Variants in USP47 observed in about 807,000 individuals in gnomAD.
USP47 encodes ubiquitin specific peptidase 47.
In USP47, 35 loss-of-function variants were observed where a neutral mutation model predicts 165.1. That is an observed-to-expected ratio of 0.21 (90% CI 0.16 to 0.28). The LOEUF (loss-of-function observed/expected upper bound fraction) is 0.28, where lower values mean the gene tolerates loss of function less well. Ranked by LOEUF, USP47 falls within the 10% of genes least tolerant of loss-of-function variation. The probability of loss-of-function intolerance (pLI) is 1.00; values close to 1 mark genes in which losing one functional copy is unlikely to be tolerated. For synonymous variants in USP47, 531 were observed against 544.5 expected, an observed-to-expected ratio of 0.98 and a Z score of 0.35; for missense variants, 1,277 against 1,607.4, an observed-to-expected ratio of 0.79 and a Z score of 3.52.
At chr11:11,931,423 A>G (rs1404731941) in intron 14 of USP47, among the ~76,000 whole-genome samples, 3 of 152,196 alleles carry the variant, frequency 2.0e-5, no homozygotes, top group Non-Finnish European at 4.4e-5. Context: ...GAAAAAATAA[A>G]TGGAAATTAT....
In USP47 at chr11:11,955,982, A is replaced by G. The variant is rs1307680780; in HGVS notation, c.3894-19A>G. On this transcript the variant is annotated intron_variant, in intron 27 of 27. Coordinates refer to ENST00000527733, the MANE Select transcript of USP47 (RefSeq NM_001282659.2). The stretch of plus-strand genomic sequence containing the variant: ...GAGGGCTCTACTGGACTAATATGTG[A>G]TTAATATTTTATATGTAGGGATAAA... 1.3e-6 allele frequency: 2 copies of G among 1,532,212 alleles called. No individual in the cohort carries two copies. Among genetic ancestry groups the G allele is most frequent in the Non-Finnish European group, 8.7e-7 (1 of 1,144,358 alleles). The allele number at this position is 1,532,212 out of a possible 1,614,324, so 94.9% of individuals were successfully genotyped here.
At chr11:11,955,915 CTGAGG>C (rs1856532873) in intron 27 of USP47, 81 bp from the exon 28 acceptor site, 1 of 1,061,460 alleles carries the variant, frequency 9.4e-7, no homozygotes, top group Non-Finnish European at 1.3e-6. Flanking sequence ...CATTATCTTG[CTGAGG>C]AGCATCATAG....
At chr11:11,927,493 A>G (rs957155691) in intron 11 of USP47, among the ~76,000 whole-genome samples, 1 of 152,126 alleles carries the variant, frequency 6.6e-6, no homozygotes, top group Non-Finnish European at 1.5e-5. Context: ...CAGAAACCGT[A>G]TGGCCCAGAA....
At chr11:11,875,460 A>G (rs941139039) in intron 1 of USP47, among the ~76,000 whole-genome samples, 33 of 152,218 alleles carry the variant, frequency 2.2e-4, no homozygotes, top group African/African-American at 7.7e-4. Flanking sequence ...GCATCCCTTC[A>G]GCGGGCTCTA....
At chr11:11,931,276 T>C (rs1854647215) in intron 14 of USP47, among the ~76,000 whole-genome samples, 2 of 152,180 alleles carry the variant, frequency 1.3e-5, no homozygotes, top group South Asian at 4.1e-4. Flanking sequence ...CATTATGTTT[T>C]TATTCACATT....
intron 3 of USP47, among the ~76,000 whole-genome samples, chr11:11,887,760 C>T (rs1203754391): frequency 2.6e-5 from 4 of 152,204 alleles, no homozygotes; most frequent in African/African-American, 9.6e-5. Context: ...CACCCCACAA[C>T]AACAGAATAT....
chr11:11,876,919 A>AG (rs1850461669), intron 1 of USP47, among the ~76,000 whole-genome samples: 1 of 152,214 alleles, frequency 6.6e-6, no homozygotes, highest in Non-Finnish European at 1.5e-5. Flanking sequence ...GAAAAAAAAA[A>AG]GAATGGCAAA....
At chr11:11,874,950 G>A (rs1057313226) in intron 1 of USP47, among the ~76,000 whole-genome samples, 9 of 151,918 alleles carry the variant, frequency 5.9e-5, no homozygotes, top group African/African-American at 2.2e-4. Flanking sequence ...CTTGAACTGT[G>A]GATACCCAGA....
intron 25 of USP47, among the ~76,000 whole-genome samples, chr11:11,953,241 G>A (rs937134584): frequency 6.6e-6 from 1 of 152,168 alleles, no homozygotes; most frequent in African/African-American, 2.4e-5. Context: ...AGAGAATCCA[G>A]ATGAAGGTCT....
chr11:11,909,880 A>G (rs1374655562), intron 8 of USP47, among the ~76,000 whole-genome samples: 2 of 152,246 alleles, frequency 1.3e-5, no homozygotes, highest in Non-Finnish European at 2.9e-5. Flanking sequence ...CATTTCAACT[A>G]TTTACACAAG....
chr11:11,959,977 A>G lies in USP47; in HGVS notation c.*3802A>G, dbSNP rs924311827. 2.0e-5 allele frequency among the ~76,000 whole-genome samples: 3 copies of G among 152,184 alleles called. No individual in the cohort carries two copies. Among genetic ancestry groups the G allele is most frequent in the Admixed American group, 6.5e-5 (1 of 15,280 alleles). On this transcript the variant is annotated 3_prime_UTR_variant, in exon 28 of 28. Coordinates refer to ENST00000527733, the MANE Select transcript of USP47 (RefSeq NM_001282659.2). Reference sequence around the variant, plus strand: ...TGCTTAAGTAACCTGCTTGAAGAGTATAATTTATGGAGATAAAAATACTCA... The same window carrying G: ...TGCTTAAGTAACCTGCTTGAAGAGTGTAATTTATGGAGATAAAAATACTCA...
chr11:11,929,707 C>A (rs1854510385), intron 12 of USP47, 142 bp downstream of exon 12: 5 of 1,280,668 alleles, frequency 3.9e-6, no homozygotes, highest in South Asian at 3.3e-5. Context: ...TTAATTTTTG[C>A]TTTTAGTAAA....
chr11:11,871,501 CAA>C (rs71037046), intron 1 of USP47, among the ~76,000 whole-genome samples: 27 of 63,138 alleles, frequency 4.3e-4, no homozygotes, highest in African/African-American at 9.8e-4. Flanking sequence ...AACTCCCTCT[CAA>C]AAAAAAAAAA....
intron 24 of USP47, 118 bp downstream of exon 24, chr11:11,950,600 T>C: frequency 1.4e-6 from 1 of 714,270 alleles, no homozygotes; most frequent in South Asian, 1.9e-5. Flanking sequence ...TATAGTGTTT[T>C]GTGTTATATT....
chr11:11,919,931 A>T (rs370873338), intron 8 of USP47, among the ~76,000 whole-genome samples: 1 of 151,856 alleles, frequency 6.6e-6, no homozygotes, highest in African/African-American at 2.4e-5. Flanking sequence ...TGATACTGCA[A>T]TACTAAGAAA....
At chr11:11,908,132 C>T (rs185123950) in intron 8 of USP47, among the ~76,000 whole-genome samples, 46 of 152,238 alleles carry the variant, frequency 3.0e-4, no homozygotes, top group African/African-American at 9.4e-4. Flanking sequence ...TACACTAGCA[C>T]GTGCATGTGC....
Position 11,842,175 on chromosome 11 carries a change from C to T in USP47, c.-11C>T, listed in dbSNP as rs966358835. ...CCCCGGCAGGGCGGAGAGGAGCGGC[C>T]GGAGTCAGCGATGGTGCCCGGCGAG... On this transcript the variant is annotated 5_prime_UTR_variant, in exon 1 of 28. Transcript: ENST00000527733. 1.9e-6 allele frequency: 3 copies of T among 1,552,590 alleles called. No homozygotes were observed. Among genetic ancestry groups the T allele is most frequent in the East Asian group, 4.8e-5 (2 of 41,328 alleles).
intron 10 of USP47, 24 bp downstream of exon 10, chr11:11,920,518 A>G (rs1590380028): frequency 3.8e-6 from 6 of 1,580,874 alleles, no homozygotes; most frequent in Middle Eastern, 1.7e-4. Flanking sequence ...ATTTTAAAGT[A>G]TTTTTCATTA....
At chr11:11,893,744 C>G (rs888488938) in intron 4 of USP47, among the ~76,000 whole-genome samples, 8 of 152,070 alleles carry the variant, frequency 5.3e-5, no homozygotes, top group Non-Finnish European at 7.4e-5. Flanking sequence ...GATGAGGTCT[C>G]ACTGTGTTGC....
Sources: gnomAD v4.1 joint callset for allele counts (sites outside exome capture counted in the v4.1 genomes callset) on GRCh38, gnomAD v4.1.1 for gene constraint, MANE v1.5 for transcripts, NCBI Gene and HGNC (gene_info 2026-07-23, HGNC 2026-07-21) for gene names.